ANKS1B: variants seen among roughly 807,000 people sequenced by gnomAD.
The protein encoded by ANKS1B is ankyrin repeat and sterile alpha motif domain-containing protein 1B.
Under a neutral mutation model 148.3 loss-of-function variants are expected in ANKS1B, and 36 were observed. The observed-to-expected ratio is 0.24, with a 90% CI of 0.19 to 0.32. ANKS1B has a LOEUF of 0.32. ANKS1B is among the 10% of genes least tolerant of loss of function. The pLI, the probability that ANKS1B is intolerant of heterozygous loss-of-function variation, is 1.00. For missense variants in ANKS1B, 1,157 were observed against 1,542.6 expected, an observed-to-expected ratio of 0.75 and a Z score of 4.19; for synonymous variants, 542 against 560.8, an observed-to-expected ratio of 0.97 and a Z score of 0.47.
chr12:99,083,582 C>T (rs2050590645), intron 16 of ANKS1B, among the ~76,000 whole-genome samples: 2 of 152,128 alleles, frequency 1.3e-5, no homozygotes. Context: ...CTTGAATTTT[C>T]TTCCTCTTTT....
At chr12:99,914,969 T>C (rs1443982397) in intron 1 of ANKS1B, among the ~76,000 whole-genome samples, 3 of 152,100 alleles carry the variant, frequency 2.0e-5, no homozygotes, top group Admixed American at 6.6e-5. Flanking sequence ...CTCACACCTG[T>C]AATCCCAGCA....
intron 12 of ANKS1B, among the ~76,000 whole-genome samples, chr12:99,249,490 G>GT (rs776799228): frequency 1.2e-4 from 19 of 152,280 alleles, no homozygotes; most frequent in Middle Eastern, 3.4e-3. Context: ...ATAAAGCTTA[G>GT]TTTTTTGAAT....
intron 17 of ANKS1B, among the ~76,000 whole-genome samples, chr12:98,980,270 G>A (rs1232099218): frequency 6.6e-6 from 1 of 152,020 alleles, no homozygotes; most frequent in African/African-American, 2.4e-5. Context: ...GCGCAATCTC[G>A]GCTCACTGCA....
In ANKS1B at chr12:99,030,435, C is replaced by A. The variant is rs966016859; in HGVS notation, c.2778+22722G>T. 2.0e-5 allele frequency among the ~76,000 whole-genome samples: 3 copies of A among 152,042 alleles called. No individual in the cohort carries two copies. In the South Asian group the frequency reaches 6.2e-4, roughly 32 times the overall value. ...CTCTATCTACCCCATTGCCTTCTTC[C>A]AGCTTCCCCCCAACCCCCACCCCCG... On this transcript the variant is annotated intron_variant, in intron 17 of 26. Coordinates refer to ENST00000683438, the MANE Select transcript of ANKS1B (RefSeq NM_001352186.2).
intron 17 of ANKS1B, among the ~76,000 whole-genome samples, chr12:98,889,842 T>C (rs2099748482): frequency 6.6e-6 from 1 of 152,208 alleles, no homozygotes; most frequent in African/African-American, 2.4e-5. Flanking sequence ...CTGCAACAGG[T>C]GGTATGTTTT....
chr12:99,755,835 G>T (rs2061520134), intron 8 of ANKS1B, among the ~76,000 whole-genome samples: 1 of 151,138 alleles, frequency 6.6e-6, no homozygotes, highest in African/African-American at 2.4e-5. Flanking sequence ...TCAATAAACA[G>T]ACTTTAAACC....
At chr12:99,670,367 T>C (rs1366382255) in intron 8 of ANKS1B, among the ~76,000 whole-genome samples, 1 of 152,140 alleles carries the variant, frequency 6.6e-6, no homozygotes, top group African/African-American at 2.4e-5. Flanking sequence ...ATGAGAGTTA[T>C]TCAATTAATT....
chr12:98,860,730 G>T (rs1595710389), intron 17 of ANKS1B, among the ~76,000 whole-genome samples: 1 of 152,146 alleles, frequency 6.6e-6, no homozygotes, highest in African/African-American at 2.4e-5. Context: ...CAGGGGTCAG[G>T]GGGAGGGAGA....
chr12:99,328,361 A>G (rs1007495766), intron 12 of ANKS1B, among the ~76,000 whole-genome samples: 12 of 151,946 alleles, frequency 7.9e-5, no homozygotes, highest in African/African-American at 2.9e-4. Flanking sequence ...AACTCCCTCG[A>G]ATATTCAGTG....
At chr12:98,873,542 T>C (rs1340522202) in intron 17 of ANKS1B, among the ~76,000 whole-genome samples, 1 of 152,026 alleles carries the variant, frequency 6.6e-6, no homozygotes, top group African/African-American at 2.4e-5. Context: ...AAGAAAGTAA[T>C]CGAGGATAAG....
intron 17 of ANKS1B, among the ~76,000 whole-genome samples, chr12:99,043,850 T>G (rs2099960623): frequency 6.6e-6 from 1 of 152,242 alleles, no homozygotes; most frequent in Non-Finnish European, 1.5e-5. Context: ...CATTATAATT[T>G]ACTTTGAATC....
intron 9 of ANKS1B, among the ~76,000 whole-genome samples, chr12:99,544,564 C>G (rs1359821890): frequency 4.6e-5 from 7 of 152,154 alleles, no homozygotes; most frequent in Non-Finnish European, 1.0e-4. Context: ...TATGAGCTTT[C>G]TTTTAGGACA....
chr12:99,009,573 C>T lies in ANKS1B; in HGVS notation c.2778+43584G>A, dbSNP rs2099938072. Among the ~76,000 whole-genome samples, 2 of 152,152 alleles carry T rather than the reference C, an allele frequency of 1.3e-5. 1 individual carries two copies. The highest frequency in any genetic ancestry group is 4.1e-4 in the South Asian group (2 of 4,836). On this transcript the variant is annotated intron_variant, in intron 17 of 26. Transcript: ENST00000683438. Reference sequence around the variant, plus strand: ...TTTCTACTTTATGTAGCTCTCCAGCCCATGATCTCCTGTGGTCAGGGGCTA... The same window carrying T: ...TTTCTACTTTATGTAGCTCTCCAGCTCATGATCTCCTGTGGTCAGGGGCTA...
intron 9 of ANKS1B, among the ~76,000 whole-genome samples, chr12:99,528,308 A>ATTT (rs2096948918): frequency 6.6e-6 from 1 of 151,972 alleles, no homozygotes; most frequent in South Asian, 2.1e-4. Flanking sequence ...CTGGACATAG[A>ATTT]ACTAGACAAA....
chr12:98,961,767 G>GT (rs34969250), intron 17 of ANKS1B, among the ~76,000 whole-genome samples: 3,213 of 152,108 alleles, frequency 0.021, 117 homozygotes, highest in African/African-American at 0.073. Context: ...TGAAGTTAAA[G>GT]TGTACAGTTT....
intron 14 of ANKS1B, among the ~76,000 whole-genome samples, chr12:99,209,769 C>T (rs993091751): frequency 6.6e-6 from 1 of 152,186 alleles, no homozygotes; most frequent in Non-Finnish European, 1.5e-5. Context: ...ATCCAAAGGA[C>T]ATCAGCCTAA....
intron 16 of ANKS1B, among the ~76,000 whole-genome samples, chr12:99,055,123 T>C (rs1416437515): frequency 1.3e-5 from 2 of 152,202 alleles, no homozygotes; most frequent in Non-Finnish European, 2.9e-5. Flanking sequence ...GGGAGGCTCA[T>C]AGATATTCGG....
chr12:99,905,829 T>C (rs1006735326), intron 1 of ANKS1B, among the ~76,000 whole-genome samples: 1 of 152,164 alleles, frequency 6.6e-6, no homozygotes, highest in Admixed American at 6.5e-5. Flanking sequence ...TTTAACTTAA[T>C]TACCTCTTTA....
intron 12 of ANKS1B, among the ~76,000 whole-genome samples, chr12:99,312,857 A>G (rs1365224658): frequency 1.3e-5 from 2 of 152,184 alleles, no homozygotes; most frequent in Non-Finnish European, 2.9e-5. Context: ...ATCACAATTA[A>G]AAGAGCTAGA....
Sources: allele counts gnomAD v4.1 joint callset (sites outside exome capture counted in the v4.1 genomes callset), GRCh38; gene constraint gnomAD v4.1.1; transcripts MANE v1.5; gene names NCBI Gene and HGNC (gene_info 2026-07-23, HGNC 2026-07-21).